Variants in NCOA1 observed in about 807,000 individuals in gnomAD.
NCOA1 encodes Hin-2 protein.
Under a neutral mutation model 150.9 loss-of-function variants are expected in NCOA1, and 35 were observed. That is an observed-to-expected ratio of 0.23 (90% CI 0.18 to 0.31). NCOA1 has a LOEUF of 0.31. Ranked by LOEUF, NCOA1 falls within the 10% of genes least tolerant of loss-of-function variation. The pLI, the probability that NCOA1 is intolerant of heterozygous loss-of-function variation, is 1.00. For missense variants in NCOA1, 1,491 were observed against 1,749.3 expected (o/e 0.85, Z 2.63); for synonymous variants, 590 against 630.0 (o/e 0.94, Z 0.95).
At chr2:24,562,875 G>A (rs913974706) in intron 1 of NCOA1, among the ~76,000 whole-genome samples, 3 of 152,110 alleles carry the variant, frequency 2.0e-5, no homozygotes, top group African/African-American at 7.2e-5. Flanking sequence ...CTGGACTCAG[G>A]TTAGAAAAAA....
At chr2:24,509,928 T>C (rs1663862475) in intron 1 of NCOA1, among the ~76,000 whole-genome samples, 1 of 152,270 alleles carries the variant, frequency 6.6e-6, no homozygotes, top group African/African-American at 2.4e-5. Flanking sequence ...TTGTCTGAAC[T>C]ATTTTATAAT....
chr2:24,555,472 A>G (rs933912933), intron 1 of NCOA1, among the ~76,000 whole-genome samples: 20 of 152,152 alleles, frequency 1.3e-4, no homozygotes, highest in African/African-American at 4.6e-4. Context: ...AGTTTGATCA[A>G]GTTAGTTGGT....
chr2:24,752,802 G>A (rs1009506542), intron 20 of NCOA1, among the ~76,000 whole-genome samples: 3 of 151,828 alleles, frequency 2.0e-5, no homozygotes, highest in African/African-American at 7.3e-5. Flanking sequence ...AGTTTTTAAG[G>A]CTTACCCCTT....
Position 24,768,440 on chromosome 2 carries a change from A to G in NCOA1, c.*49A>G, listed in dbSNP as rs761165157. The stretch of plus-strand genomic sequence containing the variant: ...TTAAATAATAGACATACAGAGATAT[A>G]CAAATATATTATATATTTTTCTGAG... On this transcript the variant is annotated 3_prime_UTR_variant, in exon 23 of 23. Coordinates refer to ENST00000348332, the MANE Select transcript of NCOA1 (RefSeq NM_003743.5). 7.9e-5 allele frequency: 105 copies of G among 1,331,438 alleles called. No individual in the cohort carries two copies. The highest frequency in any genetic ancestry group is 9.8e-5 in the Non-Finnish European group (99 of 1,007,614). 82.5% of individuals were successfully genotyped at this position (1,331,438 alleles called of 1,614,324 possible).
chr2:24,713,829 A>G (rs1673881602), intron 14 of NCOA1, among the ~76,000 whole-genome samples: 1 of 152,240 alleles, frequency 6.6e-6, no homozygotes, highest in Non-Finnish European at 1.5e-5. Context: ...ATAGGAGTTC[A>G]GTGACAGTGG....
At chr2:24,749,399 C>G (rs1187829059) in intron 19 of NCOA1, among the ~76,000 whole-genome samples, 1 of 152,222 alleles carries the variant, frequency 6.6e-6, no homozygotes, top group East Asian at 1.9e-4. Context: ...TTCAAGTCTT[C>G]AGCTGAGAGC....
intron 7 of NCOA1, among the ~76,000 whole-genome samples, chr2:24,680,187 A>T (rs1197397147): frequency 6.6e-6 from 1 of 152,094 alleles, no homozygotes. Context: ...GGATTACTGG[A>T]TCATATGGTA....
chr2:24,657,198 G>A (rs1670988267), intron 4 of NCOA1, among the ~76,000 whole-genome samples: 1 of 151,324 alleles, frequency 6.6e-6, no homozygotes, highest in Non-Finnish European at 1.5e-5. Context: ...AGGGAAATGA[G>A]ACCTTGAAAA....
At chr2:24,657,955 C>A (rs183022481) in intron 4 of NCOA1, among the ~76,000 whole-genome samples, 2 of 152,280 alleles carry the variant, frequency 1.3e-5, no homozygotes, top group Admixed American at 1.3e-4. Flanking sequence ...TGATGAGGGA[C>A]AGATCAGCAG....
chr2:24,649,886 A>G (rs1020378148), intron 4 of NCOA1, among the ~76,000 whole-genome samples: 7 of 152,220 alleles, frequency 4.6e-5, no homozygotes, highest in Admixed American at 4.6e-4. Context: ...AAACATTAAG[A>G]TACATTTAGA....
intron 11 of NCOA1, among the ~76,000 whole-genome samples, chr2:24,700,716 ATTACTT>A (rs983929669): frequency 2.0e-5 from 3 of 152,220 alleles, no homozygotes; most frequent in African/African-American, 7.2e-5. Context: ...ATTCAAAACT[ATTACTT>A]TAAAGAAATA....
At chr2:24,764,444 A>G (rs1056367348) in intron 22 of NCOA1, among the ~76,000 whole-genome samples, 1 of 152,214 alleles carries the variant, frequency 6.6e-6, no homozygotes, top group East Asian at 1.9e-4. Flanking sequence ...TTTGCAAGAG[A>G]TAGAGCTGAG....
intron 1 of NCOA1, among the ~76,000 whole-genome samples, chr2:24,523,168 C>T (rs1422591950): frequency 6.6e-6 from 1 of 152,196 alleles, no homozygotes; most frequent in Non-Finnish European, 1.5e-5. Flanking sequence ...CTTCGGTCCT[C>T]CCTTGATGTC....
chr2:24,688,388 G>A (rs976228071), intron 8 of NCOA1, among the ~76,000 whole-genome samples: 1 of 152,098 alleles, frequency 6.6e-6, no homozygotes, highest in African/African-American at 2.4e-5. Context: ...AAGCATTCCC[G>A]TTTGCCCACA....
intron 13 of NCOA1, among the ~76,000 whole-genome samples, chr2:24,708,595 TA>T (rs968099045): frequency 4.0e-5 from 6 of 151,382 alleles, no homozygotes; most frequent in Admixed American, 6.6e-5. Context: ...GAATATAGTT[TA>T]AAAAAAAATA....
intron 5 of NCOA1, among the ~76,000 whole-genome samples, chr2:24,661,556 A>G (rs758303878): frequency 6.6e-6 from 1 of 152,042 alleles, no homozygotes; most frequent in Non-Finnish European, 1.5e-5. Flanking sequence ...CTTCTACTCT[A>G]AGGTTTTAAA....
chr2:24,581,570 T>C (rs1169861196), intron 2 of NCOA1, among the ~76,000 whole-genome samples: 1 of 152,216 alleles, frequency 6.6e-6, no homozygotes, highest in Non-Finnish European at 1.5e-5. Context: ...GGATTTTGTT[T>C]TGTTTGGCTG....
At chr2:24,725,487 G>T (rs1674570050) in intron 14 of NCOA1, among the ~76,000 whole-genome samples, 1 of 152,006 alleles carries the variant, frequency 6.6e-6, no homozygotes. Context: ...AGGGCCCACT[G>T]TAAAGACCCA....
rs753627715 is a variant in NCOA1, at chr2:24,642,683, A to T, written c.-174-1283A>T. On this transcript the variant is annotated intron_variant, in intron 3 of 22. Transcript: ENST00000348332. The stretch of plus-strand genomic sequence containing the variant: ...TACAAAAGCCTGTACAGAAATATTC[A>T]TAGCAGCTTTTATTTGTAATAGCCG... Among the ~76,000 whole-genome samples the T allele has an allele frequency of 5.9e-5, 9 of 152,362 alleles. No homozygotes were observed. The South Asian group carries it at 1.9e-3, about 32-fold the overall frequency.
Sources: gnomAD v4.1 joint callset for allele counts (sites outside exome capture counted in the v4.1 genomes callset) on GRCh38, gnomAD v4.1.1 for gene constraint, MANE v1.5 for transcripts, NCBI Gene and HGNC (gene_info 2026-07-23, HGNC 2026-07-21) for gene names.